CDKAL1: variants seen among roughly 807,000 people sequenced by gnomAD.
CDKAL1 encodes the protein CDKAL1 threonylcarbamoyladenosine tRNA methylthiotransferase, also known as threonylcarbamoyladenosine tRNA methylthiotransferase.
Under a neutral mutation model 68.2 loss-of-function variants are expected in CDKAL1, and 32 were observed. The observed-to-expected ratio is 0.47, with a 90% CI of 0.35 to 0.63. The LOEUF is 0.63. Ranked by LOEUF, CDKAL1 falls within the 30% of genes least tolerant of loss-of-function variation. The pLI, the probability that CDKAL1 is intolerant of heterozygous loss-of-function variation, is 0.00. For missense variants in CDKAL1, 606 were observed against 696.7 expected (o/e 0.87, Z 1.47); for synonymous variants, 234 against 244.3 (o/e 0.96, Z 0.39).
At chr6:20,997,605 T>C (rs1425483220) in intron 10 of CDKAL1, among the ~76,000 whole-genome samples, 1 of 152,162 alleles carries the variant, frequency 6.6e-6, no homozygotes, top group African/African-American at 2.4e-5. Flanking sequence ...AATTTGTAAA[T>C]TGGCATACTG....
intron 9 of CDKAL1, among the ~76,000 whole-genome samples, chr6:20,870,689 A>G (rs1180724178): frequency 2.0e-5 from 3 of 152,208 alleles, no homozygotes. Context: ...GTGAGATTAC[A>G]CTGTTGAATC....
At chr6:21,174,646 CTA>C (rs1777511424) in intron 13 of CDKAL1, among the ~76,000 whole-genome samples, 1 of 151,898 alleles carries the variant, frequency 6.6e-6, no homozygotes, top group Non-Finnish European at 1.5e-5. Flanking sequence ...CCCTCATAAA[CTA>C]TGTGGAGAGA....
chr6:20,701,685 A>G (rs1262384002), intron 5 of CDKAL1, among the ~76,000 whole-genome samples: 1 of 151,910 alleles, frequency 6.6e-6, no homozygotes, highest in Admixed American at 6.6e-5. Flanking sequence ...CCCCTTCACC[A>G]TTAGGGAAAT....
At chr6:20,602,709 GTTAC>G (rs1257352644) in intron 4 of CDKAL1, among the ~76,000 whole-genome samples, 2 of 152,104 alleles carry the variant, frequency 1.3e-5, no homozygotes, top group Admixed American at 6.6e-5. Context: ...TTCCTCAGAG[GTTAC>G]TTACTTACTG....
intron 9 of CDKAL1, among the ~76,000 whole-genome samples, chr6:20,927,940 A>G (rs115983232): frequency 0.013 from 1,926 of 152,260 alleles, 41 homozygotes; most frequent in African/African-American, 0.044. Context: ...TTATCATTTG[A>G]TAATTGAGAT....
intron 12 of CDKAL1, among the ~76,000 whole-genome samples, chr6:21,104,762 C>T (rs1773764130): frequency 6.6e-6 from 1 of 152,140 alleles, no homozygotes; most frequent in Non-Finnish European, 1.5e-5. Flanking sequence ...TTCTTTGGGG[C>T]TAATATGAAT....
intron 10 of CDKAL1, among the ~76,000 whole-genome samples, chr6:20,979,186 G>C (rs1044108779): frequency 6.6e-6 from 1 of 152,144 alleles, no homozygotes; most frequent in African/African-American, 2.4e-5. Context: ...ATGAAAAATT[G>C]TGTGTCTGTG....
intron 13 of CDKAL1, among the ~76,000 whole-genome samples, chr6:21,111,545 G>GGTGTTTGAGTGAGCC (rs1774121819): frequency 2.0e-5 from 3 of 152,188 alleles, no homozygotes; most frequent in Non-Finnish European, 4.4e-5. Context: ...TTAAACAAAC[G>GGTGTTTGAGTGAGCC]TGTTGTTTGA....
chr6:21,199,608 A>G (rs1457680996), intron 14 of CDKAL1, among the ~76,000 whole-genome samples: 1 of 152,098 alleles, frequency 6.6e-6, no homozygotes, highest in East Asian at 1.9e-4. Context: ...GCTTCCTCCA[A>G]TTTAAAGCAG....
chr6:21,203,239 TTTTTTTTTTTTTTG>T, intron 15 of CDKAL1, among the ~76,000 whole-genome samples: 1 of 126,858 alleles, frequency 7.9e-6, no homozygotes, highest in African/African-American at 3.1e-5. Context: ...TTTTTTTTTT[TTTTTTTTTTTTTTG>T]AGTCAGAGTC....
At chr6:20,639,640 AAATT>A (rs1462476057) in intron 4 of CDKAL1, among the ~76,000 whole-genome samples, 3 of 152,190 alleles carry the variant, frequency 2.0e-5, no homozygotes, top group African/African-American at 7.2e-5. Flanking sequence ...GTAAAGAAAA[AAATT>A]AATCTATTGA....
rs534530429 is a variant in CDKAL1, at chr6:20,909,603, T to C, written c.743-45816T>C. Among the ~76,000 whole-genome samples the C allele has an allele frequency of 3.9e-5, 6 of 152,338 alleles. No individual in the cohort carries two copies. In the East Asian group the frequency reaches 1.2e-3, roughly 29 times the overall value. On this transcript the variant is annotated intron_variant, in intron 9 of 15. Transcript: ENST00000274695. ...GTTTTTGCCTTGGTTTTGCTTGTTA[T>C]TTTATTTTTTCAGCGTTGGAAACAT... is the stretch of plus-strand genomic sequence containing the variant.
chr6:20,862,667 GC>G, intron 9 of CDKAL1, among the ~76,000 whole-genome samples: 1 of 151,724 alleles, frequency 6.6e-6, no homozygotes. Flanking sequence ...GTGTGTGCGC[GC>G]GTGCATGCGC....
chr6:20,735,052 G>A (rs1033006660), intron 5 of CDKAL1, among the ~76,000 whole-genome samples: 4 of 151,436 alleles, frequency 2.6e-5, no homozygotes, highest in Non-Finnish European at 4.4e-5. Flanking sequence ...TGTATTTTTA[G>A]TAGAGATGGG....
intron 4 of CDKAL1, among the ~76,000 whole-genome samples, chr6:20,568,079 G>A (rs984502690): frequency 2.0e-5 from 3 of 152,152 alleles, no homozygotes; most frequent in East Asian, 3.9e-4. Context: ...GGGTTTCACC[G>A]TGGTGGCCAG....
chr6:20,617,987 C>T (rs562810807), intron 4 of CDKAL1, among the ~76,000 whole-genome samples: 77 of 152,316 alleles, frequency 5.1e-4, no homozygotes, highest in African/African-American at 1.7e-3. Flanking sequence ...CTTGAGGAAT[C>T]GCCACACTGT....
At chr6:20,767,402 G>C (rs1490666575) in intron 7 of CDKAL1, among the ~76,000 whole-genome samples, 1 of 151,952 alleles carries the variant, frequency 6.6e-6, no homozygotes, top group African/African-American at 2.4e-5. Context: ...TAGAAACCAG[G>C]TCATGTTAGA....
chr6:20,562,630 T>A (rs1271680832), intron 4 of CDKAL1, among the ~76,000 whole-genome samples: 1 of 151,728 alleles, frequency 6.6e-6, no homozygotes, highest in Non-Finnish European at 1.5e-5. Flanking sequence ...TAATCCCAGC[T>A]ACTCGGGAGG....
chr6:20,722,772 C>T (rs1377258105), intron 5 of CDKAL1, among the ~76,000 whole-genome samples: 2 of 152,244 alleles, frequency 1.3e-5, no homozygotes, highest in East Asian at 1.9e-4. Flanking sequence ...TTTTCCAAAA[C>T]TACCTATGGG....
Sources: gnomAD v4.1 joint callset for allele counts (sites outside exome capture counted in the v4.1 genomes callset) on GRCh38, gnomAD v4.1.1 for gene constraint, MANE v1.5 for transcripts, NCBI Gene and HGNC (gene_info 2026-07-23, HGNC 2026-07-21) for gene names.